The following NBEA variants were observed in gnomAD, a reference collection of about 807,000 sequenced individuals.
The protein encoded by NBEA is lysosomal-trafficking regulator 2.
A neutral mutation model predicts 343.4 loss-of-function variants in NBEA; 44 were observed. The ratio of observed to expected loss-of-function variants is 0.13; its 90% CI spans 0.10 to 0.16. The LOEUF is 0.16. NBEA is among the 10% of genes least tolerant of loss of function. The pLI is 1.00. For synonymous variants in NBEA, 1,175 were observed against 1,238.7 expected (o/e 0.95, Z 1.08); for missense variants, 2,555 against 3,631.3 (o/e 0.70, Z 7.62).
intron 1 of NBEA, among the ~76,000 whole-genome samples, chr13:34,954,943 A>G (rs1231779951): frequency 6.6e-6 from 1 of 152,178 alleles, no homozygotes; most frequent in Non-Finnish European, 1.5e-5. Context: ...CTGTAAATAC[A>G]TGGTTTATAT....
At chr13:35,627,811 AC>A (rs2083292717) in intron 48 of NBEA, among the ~76,000 whole-genome samples, 1 of 152,112 alleles carries the variant, frequency 6.6e-6, no homozygotes, top group Admixed American at 6.6e-5. Context: ...CATATTATGT[AC>A]CTAATGGAGC....
chr13:35,290,625 C>A (rs2035743228), intron 35 of NBEA, among the ~76,000 whole-genome samples, 175 bp downstream of exon 35: 1 of 151,166 alleles, frequency 6.6e-6, no homozygotes, highest in African/African-American at 2.4e-5. Flanking sequence ...GATTATCTTA[C>A]CATGTAAATA....
chr13:35,588,455 T>A (rs1434793391), intron 46 of NBEA, among the ~76,000 whole-genome samples: 1 of 152,214 alleles, frequency 6.6e-6, no homozygotes, highest in Non-Finnish European at 1.5e-5. Flanking sequence ...TTAGACCTTT[T>A]AGACCTAGTC....
In NBEA at chr13:35,384,849, A is replaced by G. The variant is rs943162131; in HGVS notation, c.6179+32526A>G. On this transcript the variant is annotated intron_variant, in intron 38 of 58. Coordinates refer to ENST00000379939, the MANE Select transcript of NBEA (RefSeq NM_001385012.1). ...CCTGTTTTTTAATTACTTATTTTCA[A>G]TCATCTTCATTTTGCAAGTGGACTA... Among the ~76,000 whole-genome samples the G allele has an allele frequency of 4.6e-5, 7 of 151,946 alleles. 1 individual carries two copies. Among genetic ancestry groups the G allele is most frequent in the Non-Finnish European group, 8.8e-5 (6 of 67,974 alleles).
intron 1 of NBEA, among the ~76,000 whole-genome samples, chr13:35,002,795 G>A (rs935184273): frequency 4.6e-5 from 7 of 152,138 alleles, no homozygotes; most frequent in Non-Finnish European, 8.8e-5. Flanking sequence ...CTCTTGGAGT[G>A]CATTTTTTGC....
At chr13:35,350,437 C>T (rs1462754136) in intron 37 of NBEA, among the ~76,000 whole-genome samples, 1 of 151,972 alleles carries the variant, frequency 6.6e-6, no homozygotes, top group Non-Finnish European at 1.5e-5. Flanking sequence ...TTTGTACTTA[C>T]ATACATTTGT....
intron 41 of NBEA, among the ~76,000 whole-genome samples, chr13:35,532,848 A>C (rs1365816864): frequency 6.6e-6 from 1 of 152,102 alleles, no homozygotes; most frequent in Non-Finnish European, 1.5e-5. Flanking sequence ...AAAAGATCTC[A>C]GAAGAATAGA....
intron 46 of NBEA, among the ~76,000 whole-genome samples, chr13:35,592,183 T>C (rs2153043086): frequency 6.6e-6 from 1 of 152,244 alleles, no homozygotes; most frequent in East Asian, 1.9e-4. Context: ...GGTTTTCTGC[T>C]ATAGGAACAT....
At chr13:35,290,554 A>T in intron 35 of NBEA, 104 bp downstream of exon 35, 1 of 708,508 alleles carries the variant, frequency 1.4e-6, no homozygotes, top group Non-Finnish European at 2.4e-6. Flanking sequence ...TATTTTTAAA[A>T]TTTCCATCTA....
At chr13:35,654,113 G>A (rs2084688590) in intron 53 of NBEA, among the ~76,000 whole-genome samples, 1 of 152,212 alleles carries the variant, frequency 6.6e-6, no homozygotes, top group Non-Finnish European at 1.5e-5. Context: ...CTGAAAGGAT[G>A]GTGCGCAGTA....
chr13:35,427,164 C>T (rs930966613), intron 38 of NBEA, among the ~76,000 whole-genome samples: 23 of 152,196 alleles, frequency 1.5e-4, no homozygotes, highest in Non-Finnish European at 2.9e-4. Flanking sequence ...AGCTTTGTTC[C>T]GTTGCTGGTG....
chr13:35,327,342 C>A (rs183736923), intron 36 of NBEA, among the ~76,000 whole-genome samples: 200 of 152,166 alleles, frequency 1.3e-3, no homozygotes, highest in African/African-American at 4.7e-3. Flanking sequence ...TTCATCGCAG[C>A]ACTATTCACA....
intron 2 of NBEA, among the ~76,000 whole-genome samples, chr13:35,042,125 C>A (rs896692018): frequency 1.9e-4 from 29 of 151,596 alleles, no homozygotes; most frequent in Non-Finnish European, 3.8e-4. Flanking sequence ...TGAAAAATGG[C>A]TTAAAAAAGA....
intron 39 of NBEA, among the ~76,000 whole-genome samples, chr13:35,435,314 T>C (rs559191527): frequency 3.9e-5 from 6 of 152,278 alleles, no homozygotes; most frequent in Admixed American, 3.3e-4. Context: ...CGCTCGGCCT[T>C]ACAGCACATT....
chr13:35,044,772 A>G (rs1468761130), intron 2 of NBEA, among the ~76,000 whole-genome samples, 175 bp from the exon 3 acceptor site: 1 of 151,670 alleles, frequency 6.6e-6, no homozygotes, highest in East Asian at 1.9e-4. Context: ...AAAAATTGTT[A>G]ATTGGAATGG....
At position 35,008,022 on chromosome 13, in the gene NBEA, C is replaced by A. The variant is rs529361651; in HGVS notation, c.295-32911C>A. On this transcript the variant is annotated intron_variant, in intron 1 of 58. Coordinates refer to ENST00000379939, the MANE Select transcript of NBEA (RefSeq NM_001385012.1). Reference sequence around the variant, plus strand: ...AATTTGAGGCTTTGGATACTGTTATCTTCCTTGAGAGAAGATTACTTTTGA... The same window carrying A: ...AATTTGAGGCTTTGGATACTGTTATATTCCTTGAGAGAAGATTACTTTTGA... Among the ~76,000 whole-genome samples the A allele has an allele frequency of 5.9e-5, 9 of 152,196 alleles. 1 individual carries two copies. The East Asian group carries it at 1.7e-3, about 29-fold the overall frequency.
At chr13:35,379,745 G>A (rs9544180) in intron 38 of NBEA, among the ~76,000 whole-genome samples, 136,200 of 150,788 alleles carry the variant, frequency 0.9, 61,817 homozygotes, top group Non-Finnish European at 0.95. Context: ...CAGTCAAAGT[G>A]TTATTTATTG....
chr13:35,370,442 G>T (rs1020082366), intron 38 of NBEA, among the ~76,000 whole-genome samples: 3 of 151,920 alleles, frequency 2.0e-5, no homozygotes, highest in African/African-American at 7.2e-5. Context: ...GATGAGATGA[G>T]ATTCCTGTAA....
intron 16 of NBEA, among the ~76,000 whole-genome samples, chr13:35,121,234 A>G (rs184413012): frequency 6.6e-6 from 1 of 152,210 alleles, no homozygotes; most frequent in Non-Finnish European, 1.5e-5. Flanking sequence ...CTTCCCAAGT[A>G]ACTGGCACTA....
Sources: allele counts gnomAD v4.1 joint callset (sites outside exome capture counted in the v4.1 genomes callset), GRCh38; gene constraint gnomAD v4.1.1; transcripts MANE v1.5; gene names NCBI Gene and HGNC (gene_info 2026-07-23, HGNC 2026-07-21).